CEP15: variants seen among roughly 807,000 people sequenced by gnomAD.
CEP15 encodes centrosomal protein 15 kDa.
chr3:62,331,300 T>A, the CEP15 span: 1 of 1,606,736 alleles, frequency 6.2e-7, no homozygotes, highest in Non-Finnish European at 8.5e-7. Flanking sequence ...TCCACTTTAA[T>A]ATAAAATGCC....
chr3:62,328,256 CCTT>C, the CEP15 span, among the ~76,000 whole-genome samples: 4 of 152,212 alleles, frequency 2.6e-5, no homozygotes, highest in African/African-American at 4.8e-5. Flanking sequence ...ATGCATCTAA[CCTT>C]CTTTTTCTAA....
chr3:62,329,798 C>A, the CEP15 span, among the ~76,000 whole-genome samples: 2 of 152,226 alleles, frequency 1.3e-5, no homozygotes, highest in Admixed American at 1.3e-4. Context: ...AGATCTGCCA[C>A]TAACAATAAT....
the CEP15 span, chr3:62,335,330 G>A: frequency 6.6e-6 from 1 of 152,046 alleles, no homozygotes; most frequent in African/African-American, 2.4e-5. Context: ...GGCTCCTGCT[G>A]TAGTGTTTTT....
the CEP15 span, among the ~76,000 whole-genome samples, chr3:62,325,047 G>C: frequency 6.6e-6 from 1 of 152,080 alleles, no homozygotes; most frequent in African/African-American, 2.4e-5. Flanking sequence ...TATACAACTG[G>C]AAAATATAAG....
the CEP15 span, chr3:62,334,779 A>G: frequency 6.6e-6 from 1 of 152,202 alleles, no homozygotes; most frequent in Non-Finnish European, 1.5e-5. This position sits in a 1 kb window ranked among gnomAD's most constrained non-coding sequence, Gnocchi z 4.9. Context: ...ATGTTCTGTC[A>G]TGAAAATAAA....
At chr3:62,332,969 G>A in the CEP15 span, among the ~76,000 whole-genome samples, 1 of 152,042 alleles carries the variant, frequency 6.6e-6, no homozygotes, top group African/African-American at 2.4e-5. Context: ...TCATGAAGTT[G>A]GCCACAAGAG....
At chr3:62,321,941 G>T in the CEP15 span, 75 of 1,596,392 alleles carry the variant, frequency 4.7e-5, no homozygotes, top group Non-Finnish European at 5.7e-5. The surrounding 1 kb of genome is among the most constrained non-coding windows in gnomAD (Gnocchi z 4.1). Flanking sequence ...GTATCACAAA[G>T]ATTAATGTTA....
the CEP15 span, among the ~76,000 whole-genome samples, chr3:62,328,781 A>T: frequency 7.8e-6 from 1 of 127,564 alleles, no homozygotes. Context: ...ACTCAGATGC[A>T]TAAAGGTTGT....
At chr3:62,331,326 A>C in the CEP15 span, 1 of 1,612,550 alleles carries the variant, frequency 6.2e-7, no homozygotes. Flanking sequence ...CTGTTACAGG[A>C]TATAGAAGCA....
At chr3:62,326,690 G>A in the CEP15 span, among the ~76,000 whole-genome samples, 4 of 152,272 alleles carry the variant, frequency 2.6e-5, no homozygotes, top group South Asian at 8.3e-4. Context: ...ATGGAAGAAT[G>A]TACTTGCATG....
At chr3:62,332,047 C>T in the CEP15 span, among the ~76,000 whole-genome samples, 3 of 151,966 alleles carry the variant, frequency 2.0e-5, no homozygotes, top group Admixed American at 1.3e-4. Flanking sequence ...GAGAATTTTC[C>T]CCTCAATTTT....
At chr3:62,331,419 A>C in the CEP15 span, 1 of 1,605,616 alleles carries the variant, frequency 6.2e-7, no homozygotes, top group African/African-American at 1.3e-5. Context: ...TTAAGGAACA[A>C]ATGTAAAAAG....
the CEP15 span, chr3:62,323,922 A>G: frequency 6.6e-6 from 1 of 152,204 alleles, no homozygotes; most frequent in Non-Finnish European, 1.5e-5. Flanking sequence ...TTGAGCATCT[A>G]TTATATCACA....
the CEP15 span, chr3:62,333,808 C>T: frequency 6.6e-6 from 1 of 150,928 alleles, no homozygotes; most frequent in African/African-American, 2.4e-5. This position sits in a 1 kb window ranked among gnomAD's most constrained non-coding sequence, Gnocchi z 4.0. Flanking sequence ...TTTTTTTAAA[C>T]CATTATTGTT....
the CEP15 span, among the ~76,000 whole-genome samples, chr3:62,332,486 A>G: frequency 6.6e-6 from 1 of 152,004 alleles, no homozygotes; most frequent in African/African-American, 2.4e-5. Flanking sequence ...TTGCCCTCCT[A>G]TGACACAGGG....
At chr3:62,327,146 G>T in the CEP15 span, among the ~76,000 whole-genome samples, 2 of 152,152 alleles carry the variant, frequency 1.3e-5, no homozygotes, top group African/African-American at 4.8e-5. Flanking sequence ...TTTGGATATT[G>T]CTAATTACAT....
the CEP15 span, among the ~76,000 whole-genome samples, chr3:62,328,648 T>A: frequency 6.6e-6 from 1 of 152,186 alleles, no homozygotes; most frequent in South Asian, 2.1e-4. Context: ...TTCCTTTGCC[T>A]CTGCCTGCCT....
chr3:62,326,967 C>G, the CEP15 span, among the ~76,000 whole-genome samples: 2 of 152,224 alleles, frequency 1.3e-5, no homozygotes, highest in Non-Finnish European at 2.9e-5. Context: ...TCAGAGTTCA[C>G]ATTTCTCTGA....
the CEP15 span, among the ~76,000 whole-genome samples, chr3:62,327,929 G>A: frequency 6.6e-6 from 1 of 152,094 alleles, no homozygotes; most frequent in Admixed American, 6.5e-5. Context: ...TTACTATGGG[G>A]AAGCCTCTTC....
Sources: gnomAD v4.1 joint callset for allele counts (sites outside exome capture counted in the v4.1 genomes callset) on GRCh38, gnomAD v4.1.1 for gene constraint, Gnocchi (gnomAD v3.1) non-coding constraint, MANE v1.5 for transcripts, NCBI Gene and HGNC (gene_info 2026-07-23, HGNC 2026-07-21) for gene names.